The following CNTN4 variants were observed in gnomAD, a reference collection of about 807,000 sequenced individuals.
The protein encoded by CNTN4 is contactin 4, also known as contactin-4.
Under a neutral mutation model 122.5 loss-of-function variants are expected in CNTN4, and 77 were observed. The observed-to-expected ratio is 0.63, with a 90% CI of 0.52 to 0.76. CNTN4 has a LOEUF of 0.76. CNTN4 is among the 30% of genes least tolerant of loss of function. The pLI, the probability that CNTN4 is intolerant of heterozygous loss-of-function variation, is 0.00. For missense variants in CNTN4, 1,256 were observed against 1,259.1 expected, an observed-to-expected ratio of 1.00 and a Z score of 0.04; for synonymous variants, 512 against 447.0, an observed-to-expected ratio of 1.15 and a Z score of -1.83.
At chr3:2,910,274 A>C (rs147208353) in intron 12 of CNTN4, among the ~76,000 whole-genome samples, 1 of 152,356 alleles carries the variant, frequency 6.6e-6, no homozygotes, top group African/African-American at 2.4e-5. Flanking sequence ...GCAGTGAGTC[A>C]GAGTTTAAAA....
chr3:2,768,649 C>T (rs1366234792), intron 6 of CNTN4, among the ~76,000 whole-genome samples: 4 of 152,096 alleles, frequency 2.6e-5, no homozygotes, highest in African/African-American at 4.8e-5. Flanking sequence ...AAATTGTCAC[C>T]GTGTCCACAG....
At chr3:2,517,751 T>C (rs2077081461) in intron 3 of CNTN4, among the ~76,000 whole-genome samples, 1 of 152,156 alleles carries the variant, frequency 6.6e-6, no homozygotes, top group East Asian at 1.9e-4. Flanking sequence ...ATTGTATATG[T>C]GTGTGCCTTT....
chr3:2,298,018 C>T (rs2042376855), intron 2 of CNTN4, among the ~76,000 whole-genome samples: 1 of 152,160 alleles, frequency 6.6e-6, no homozygotes, highest in Admixed American at 6.5e-5. Flanking sequence ...AGGTGTGAGC[C>T]AGCGTGCCTG....
At chr3:2,187,236 G>T (rs557682543) in intron 2 of CNTN4, among the ~76,000 whole-genome samples, 11 of 152,304 alleles carry the variant, frequency 7.2e-5, no homozygotes, top group African/African-American at 2.2e-4. Context: ...TCAGATGGTT[G>T]TAGATGTGTG....
intron 2 of CNTN4, among the ~76,000 whole-genome samples, chr3:2,172,086 T>C (rs928055037): frequency 2.0e-5 from 3 of 152,218 alleles, no homozygotes; most frequent in Non-Finnish European, 4.4e-5. Context: ...ATTTACTAAG[T>C]CAAGTTTTAT....
intron 5 of CNTN4, among the ~76,000 whole-genome samples, chr3:2,742,812 G>T (rs1293662883): frequency 6.6e-6 from 1 of 152,148 alleles, no homozygotes; most frequent in African/African-American, 2.4e-5. Flanking sequence ...AAAGTAAATT[G>T]TGAAATTTTC....
chr3:2,149,164 A>T (rs1368977240), intron 2 of CNTN4, among the ~76,000 whole-genome samples: 1 of 152,122 alleles, frequency 6.6e-6, no homozygotes, highest in East Asian at 1.9e-4. Context: ...CTATTAGGTT[A>T]TTACATCATT....
At chr3:2,899,831 T>TG (rs1373529892) in intron 10 of CNTN4, among the ~76,000 whole-genome samples, 1 of 152,242 alleles carries the variant, frequency 6.6e-6, no homozygotes, top group East Asian at 1.9e-4. Context: ...GTCATATTCC[T>TG]GTAGATAACA....
At chr3:2,183,464 T>G (rs920919858) in intron 2 of CNTN4, among the ~76,000 whole-genome samples, 5 of 152,216 alleles carry the variant, frequency 3.3e-5, no homozygotes, top group East Asian at 1.9e-4. Context: ...GCTCTTTTTT[T>G]GGGGCTCATT....
At chr3:2,125,577 TGA>T (rs2034094896) in intron 2 of CNTN4, among the ~76,000 whole-genome samples, 1 of 125,036 alleles carries the variant, frequency 8.0e-6, no homozygotes, top group African/African-American at 3.0e-5. Flanking sequence ...TTTTTTTTTT[TGA>T]GACGAGTCTC....
At chr3:2,912,116 A>G (rs1393351799) in intron 12 of CNTN4, among the ~76,000 whole-genome samples, 3 of 152,224 alleles carry the variant, frequency 2.0e-5, no homozygotes, top group Non-Finnish European at 4.4e-5. Context: ...GAATCCAAAG[A>G]GATCTACACT....
intron 2 of CNTN4, among the ~76,000 whole-genome samples, chr3:2,131,216 A>G (rs570739750): frequency 1.8e-4 from 28 of 152,306 alleles, no homozygotes; most frequent in Middle Eastern, 3.4e-3. Flanking sequence ...ACATACACCT[A>G]GTAAGAAAGT....
intron 3 of CNTN4, among the ~76,000 whole-genome samples, chr3:2,568,949 C>T (rs1198549673): frequency 6.6e-6 from 1 of 152,086 alleles, no homozygotes; most frequent in Non-Finnish European, 1.5e-5. Context: ...AGATCAATCC[C>T]GAGGTCCGAG....
chr3:3,040,478 G>A (rs1377877218), intron 20 of CNTN4: 1 of 596,846 alleles, frequency 1.7e-6, no homozygotes, highest in Admixed American at 2.6e-5. Context: ...AAAACACTTG[G>A]CTGTCCATTA....
At chr3:2,705,852 TATATGTG>T (rs1266226501) in intron 4 of CNTN4, among the ~76,000 whole-genome samples, 9 of 92,610 alleles carry the variant, frequency 9.7e-5, no homozygotes, top group African/African-American at 3.9e-4. Context: ...TAATATATAA[TATATGTG>T]TTTATATATA....
At chr3:2,602,241 A>G (rs1489600017) in intron 4 of CNTN4, among the ~76,000 whole-genome samples, 1 of 152,222 alleles carries the variant, frequency 6.6e-6, no homozygotes, top group Non-Finnish European at 1.5e-5. Context: ...AGTTCTGGCC[A>G]GGGCAATCAG....
chr3:3,032,422 A>G (rs1318448181), intron 16 of CNTN4, among the ~76,000 whole-genome samples: 1 of 152,258 alleles, frequency 6.6e-6, no homozygotes, highest in Non-Finnish European at 1.5e-5. Context: ...ATTAAATACC[A>G]GGAGGAATTT....
chr3:2,958,444 G>A (rs28699439), intron 13 of CNTN4, among the ~76,000 whole-genome samples: 2,417 of 152,190 alleles, frequency 0.016, 69 homozygotes, highest in African/African-American at 0.056. Flanking sequence ...AATTCTCATG[G>A]CAGCCCAACC....
At chr3:2,742,076 T>TC (rs1222009371) in intron 5 of CNTN4, among the ~76,000 whole-genome samples, 1 of 152,128 alleles carries the variant, frequency 6.6e-6, no homozygotes, top group Non-Finnish European at 1.5e-5. Flanking sequence ...AATGGAGAGA[T>TC]CAAGTATTTT....
Sources: allele counts gnomAD v4.1 joint callset (sites outside exome capture counted in the v4.1 genomes callset), GRCh38; gene constraint gnomAD v4.1.1; transcripts MANE v1.5; gene names NCBI Gene and HGNC (gene_info 2026-07-23, HGNC 2026-07-21).